GLIS3: variants seen among roughly 807,000 people sequenced by gnomAD.
The protein encoded by GLIS3 is zinc finger protein GLIS3.
GLIS3 carries 53 observed loss-of-function variants against 78.6 expected under a neutral mutation model. The observed-to-expected ratio is 0.67, with a 90% CI of 0.54 to 0.85. The LOEUF (loss-of-function observed/expected upper bound fraction) is 0.85, where lower values mean the gene tolerates loss of function less well. Among genes scored for constraint, GLIS3 ranks in the 40% least tolerant of loss-of-function variants. The pLI is 0.00. For synonymous variants in GLIS3, 684 were observed against 509.9 expected (o/e 1.34, Z -4.60); for missense variants, 1,703 against 1,231.1 (o/e 1.38, Z -5.74).
At chr9:3,960,240 G>A (rs1817458461) in intron 4 of GLIS3, among the ~76,000 whole-genome samples, 1 of 152,162 alleles carries the variant, frequency 6.6e-6, no homozygotes, top group Non-Finnish European at 1.5e-5. Context: ...CCATCTATAA[G>A]CTAAAGAGAG....
Position 4,286,302 on chromosome 9 carries a change from G to A in GLIS3, c.124C>T (p.Pro42Ser). Residue 42 changes from proline (P) to serine (S), a missense_variant, in exon 2 of 11, where the codon CCC becomes TCC. Physicochemically the swap from Pro to Ser is moderately conservative, Grantham distance 74 (BLOSUM62 -1). Transcript: ENST00000381971. ...GTGGGACTCGATGTGCTGCCACAGGGCGAGGGGCCAGGAGTCCCGGAGTGG... is the reference window on the plus strand; with the variant it reads ...GTGGGACTCGATGTGCTGCCACAGGACGAGGGGCCAGGAGTCCCGGAGTGG... ...RAHSGTPGPS[P>S]CGSTSSPTMA... 1.2e-6 allele frequency: 2 copies of A among 1,614,226 alleles called. No homozygotes were observed. Among genetic ancestry groups the A allele is most frequent in the African/African-American group, 2.7e-5 (2 of 75,050 alleles).
rs762622362 is a variant in GLIS3 at position 4,118,646 on chromosome 9, T to C, written c.832A>G (p.Ser278Gly). The change falls in exon 4 of 11, where the codon AGT (serine) becomes GGT (glycine). Residue 278 changes from serine to glycine, a missense_variant. Ser to Gly is a moderately conservative substitution (Grantham distance 56). Coordinates refer to ENST00000381971, the MANE Select transcript of GLIS3 (RefSeq NM_001042413.2). The surrounding 1 kb of genome is among the most constrained non-coding windows in gnomAD (Gnocchi z 4.7). Reference protein sequence around the residue: ...SLPSYLFGTESSHSPYPSPRH... With the variant: ...SLPSYLFGTEGSHSPYPSPRH... ...GGACTAGGGTAAGGAGAGTGGCTAC[T>C]TTCCGTGCCAAAAAGGTAGGATGGT... The C allele has an allele frequency of 6.2e-7, 1 of 1,614,148 alleles. No homozygotes were observed. Among genetic ancestry groups the C allele is most frequent in the Non-Finnish European group, 8.5e-7 (1 of 1,180,008 alleles).
At chr9:4,360,271 G>A in the GLIS3 span, among the ~76,000 whole-genome samples, 1 of 152,142 alleles carries the variant, frequency 6.6e-6, no homozygotes, top group African/African-American at 2.4e-5. Flanking sequence ...TTCCACATGT[G>A]AAGAGGAGCA....
rs187502179 is a variant in GLIS3, at chr9:3,942,372, G to A, written c.1711-5183C>T. Among the ~76,000 whole-genome samples, 7 of 152,254 alleles carry A rather than the reference G, an allele frequency of 4.6e-5. No individual in the cohort carries two copies. In the East Asian group the frequency reaches 1.4e-3, roughly 29 times the overall value. ...CATGCAGCAAGAACTGACTGACGAA[G>A]TATATGCCAGTTCCCATCTCCACAT... On this transcript the variant is annotated intron_variant, in intron 4 of 10. Coordinates refer to ENST00000381971, the MANE Select transcript of GLIS3 (RefSeq NM_001042413.2).
intron 4 of GLIS3, among the ~76,000 whole-genome samples, chr9:3,943,507 A>G (rs1816084070): frequency 6.6e-6 from 1 of 152,224 alleles, no homozygotes; most frequent in African/African-American, 2.4e-5. Flanking sequence ...ATCTGATTTT[A>G]TAACATTTCA....
chr9:4,185,590 ACATT>A lies in GLIS3; in HGVS notation c.389-59653_389-59650del, dbSNP rs557034537. 2.8e-3 allele frequency among the ~76,000 whole-genome samples: 433 copies of A among 152,342 alleles called. 1 individual carries two copies. Among genetic ancestry groups the A allele is most frequent in the African/African-American group, 9.4e-3 (389 of 41,594 alleles). The stretch of plus-strand genomic sequence containing the variant: ...AATGTCCCATAAGGAAGCAGATGGC[ACATT>A]CAAATTACAATGCTTTAAGGAAGGT... On this transcript the variant is annotated intron_variant, in intron 2 of 10. Transcript: ENST00000381971.
chr9:4,402,815 G>A, the GLIS3 span, among the ~76,000 whole-genome samples: 110,781 of 152,042 alleles, frequency 0.73, 40,508 homozygotes, highest in South Asian at 0.81. Context: ...AGCATGCCTA[G>A]AAGATCTAGA....
At chr9:4,166,716 T>A (rs548880529) in intron 2 of GLIS3, among the ~76,000 whole-genome samples, 25 of 152,336 alleles carry the variant, frequency 1.6e-4, no homozygotes, top group African/African-American at 5.1e-4. Context: ...TGGCTACACA[T>A]AAAAGCAGTT....
At chr9:4,413,356 A>G in the GLIS3 span, among the ~76,000 whole-genome samples, 8 of 152,206 alleles carry the variant, frequency 5.3e-5, no homozygotes, top group African/African-American at 1.7e-4. Flanking sequence ...TCTCTGTTTA[A>G]TAACACATTC....
intron 4 of GLIS3, among the ~76,000 whole-genome samples, chr9:4,100,073 T>G (rs989416283): frequency 7.9e-5 from 12 of 152,214 alleles, no homozygotes; most frequent in Non-Finnish European, 1.0e-4. Context: ...AGAAGAATGT[T>G]TTGAAACGTA....
At chr9:4,436,478 C>T in the GLIS3 span, among the ~76,000 whole-genome samples, 2 of 152,204 alleles carry the variant, frequency 1.3e-5, no homozygotes, top group East Asian at 3.9e-4. Flanking sequence ...CCCCAAGCTA[C>T]CTTCACCATC....
intron 9 of GLIS3, among the ~76,000 whole-genome samples, 157 bp from the exon 10 acceptor site, chr9:3,829,649 T>G (rs373878485): frequency 6.6e-4 from 101 of 152,352 alleles, no homozygotes; most frequent in African/African-American, 2.4e-3. Context: ...ACATTTGGAA[T>G]GCACTGTTGG....
rs116917801 is a variant in GLIS3 at position 3,892,441 on chromosome 9, T to C, written c.2128+6250A>G. ...GAGGAAGACAGCATAAAAGCCAGTATTCTGGGACAGTGCTGATAGCTGCGT... is the reference window on the plus strand; with the variant it reads ...GAGGAAGACAGCATAAAAGCCAGTACTCTGGGACAGTGCTGATAGCTGCGT... On this transcript the variant is annotated intron_variant, in intron 7 of 10. Coordinates refer to ENST00000381971, the MANE Select transcript of GLIS3 (RefSeq NM_001042413.2). 1.4e-4 allele frequency among the ~76,000 whole-genome samples: 21 copies of C among 152,322 alleles called. No individual in the cohort carries two copies. In the East Asian group the frequency reaches 4.1e-3, roughly 29 times the overall value.
chr9:4,135,520 C>T (rs114374804), intron 2 of GLIS3, among the ~76,000 whole-genome samples: 104 of 152,222 alleles, frequency 6.8e-4, no homozygotes, highest in African/African-American at 2.4e-3. Flanking sequence ...TGTCTCTAAG[C>T]ATTATTACTT....
chr9:4,424,890 G>T, the GLIS3 span, among the ~76,000 whole-genome samples: 7 of 151,584 alleles, frequency 4.6e-5, no homozygotes, highest in African/African-American at 1.5e-4. Context: ...GAGATTTTCT[G>T]ATGAAAAGAA....
chr9:4,454,628 C>G, the GLIS3 span, among the ~76,000 whole-genome samples: 1 of 152,220 alleles, frequency 6.6e-6, no homozygotes, highest in East Asian at 1.9e-4. Context: ...CATGTATCTC[C>G]TCTTATTTCA....
chr9:4,056,594 G>C (rs1303300642), intron 4 of GLIS3, among the ~76,000 whole-genome samples: 1 of 152,110 alleles, frequency 6.6e-6, no homozygotes, highest in Admixed American at 6.6e-5. Flanking sequence ...AGAGAGAAGA[G>C]AGAAAAAAGC....
chr9:3,867,529 A>G (rs1229461583), intron 8 of GLIS3, among the ~76,000 whole-genome samples: 1 of 152,244 alleles, frequency 6.6e-6, no homozygotes, highest in East Asian at 1.9e-4. Flanking sequence ...TGGAATAAAC[A>G]TTGAGAAGTA....
chr9:4,400,266 G>T, the GLIS3 span, among the ~76,000 whole-genome samples: 3 of 152,216 alleles, frequency 2.0e-5, no homozygotes, highest in Admixed American at 6.5e-5. Flanking sequence ...ATGGAGAAGA[G>T]TTAGGAGGCA....
Sources: gnomAD v4.1 joint callset for allele counts (sites outside exome capture counted in the v4.1 genomes callset) on GRCh38, gnomAD v4.1.1 for gene constraint, Gnocchi (gnomAD v3.1) non-coding constraint, MANE v1.5 for transcripts, NCBI Gene and HGNC (gene_info 2026-07-23, HGNC 2026-07-21) for gene names.